AGAP3: variants seen among roughly 807,000 people sequenced by gnomAD.
AGAP3 encodes the protein ArfGAP with GTPase domain, ankyrin repeat and PH domain 3.
Under a neutral mutation model 96.9 loss-of-function variants are expected in AGAP3, and 24 were observed. The ratio of observed to expected loss-of-function variants is 0.25; its 90% CI spans 0.18 to 0.35. The LOEUF (loss-of-function observed/expected upper bound fraction) is 0.35, where lower values mean the gene tolerates loss of function less well. Ranked by LOEUF, AGAP3 falls within the 10% of genes least tolerant of loss-of-function variation. AGAP3 has a pLI of 1.00. For synonymous variants in AGAP3, 563 were observed against 536.1 expected (o/e 1.05, Z -0.69); for missense variants, 876 against 1,254.2 (o/e 0.70, Z 4.55).
intron 1 of AGAP3, among the ~76,000 whole-genome samples, chr7:151,105,657 T>C (rs1799012005): frequency 6.6e-6 from 1 of 150,716 alleles, no homozygotes; most frequent in Non-Finnish European, 1.5e-5. Context: ...TCCCAGCTAC[T>C]TGTGGGGCTG....
At chr7:151,119,812 G>A (rs1230615091) in intron 7 of AGAP3, among the ~76,000 whole-genome samples, 175 bp from the exon 8 acceptor site, 1 of 152,194 alleles carries the variant, frequency 6.6e-6, no homozygotes. Context: ...AGTAGATCCT[G>A]CTGGCCTCCA....
intron 5 of AGAP3, 141 bp downstream of exon 5, chr7:151,117,918 GTGCT>G: frequency 8.2e-7 from 1 of 1,226,140 alleles, no homozygotes; most frequent in Non-Finnish European, 1.1e-6. Flanking sequence ...AGCACTCTCC[GTGCT>G]GCTCGTGTCT....
chr7:151,088,063 C>T (rs1382267153), intron 1 of AGAP3, among the ~76,000 whole-genome samples: 1 of 152,224 alleles, frequency 6.6e-6, no homozygotes, highest in Non-Finnish European at 1.5e-5. Context: ...CAGTGAGAGC[C>T]AAGGCCTTTT....
intron 1 of AGAP3, among the ~76,000 whole-genome samples, chr7:151,100,980 G>GC (rs1798813726): frequency 1.3e-5 from 2 of 152,334 alleles, no homozygotes; most frequent in Admixed American, 1.3e-4. Flanking sequence ...CCCACCTGCA[G>GC]CCCCCCATGG....
intron 1 of AGAP3, among the ~76,000 whole-genome samples, chr7:151,102,292 T>C (rs7783954): frequency 0.36 from 54,677 of 152,158 alleles, 10,873 homozygotes; most frequent in Middle Eastern, 0.45. Flanking sequence ...TTCACCGCAG[T>C]AGTGCTTTTA....
At chr7:151,115,884 T>A (rs750676815) in intron 1 of AGAP3, among the ~76,000 whole-genome samples, 1 of 152,184 alleles carries the variant, frequency 6.6e-6, no homozygotes, top group African/African-American at 2.4e-5. Flanking sequence ...CAGAGGGCTC[T>A]GGGCTAGGCC....
intron 1 of AGAP3, among the ~76,000 whole-genome samples, chr7:151,099,653 G>A (rs1387495961): frequency 2.0e-5 from 3 of 152,196 alleles, no homozygotes; most frequent in Admixed American, 6.5e-5. Context: ...GTGGGCCCGG[G>A]GACTGGCACC....
chr7:151,094,274 T>C (rs1386602680), intron 1 of AGAP3, among the ~76,000 whole-genome samples: 1 of 152,208 alleles, frequency 6.6e-6, no homozygotes, highest in Non-Finnish European at 1.5e-5. Flanking sequence ...GTTTATTACG[T>C]GCCGCCTTGT....
At position 151,096,796 on chromosome 7, in the gene AGAP3, C is replaced by T. The variant is rs745308497; in HGVS notation, c.331+9724C>T. 6.8e-6 allele frequency among the ~76,000 whole-genome samples: 1 copy of T among 146,978 alleles called. No homozygotes were observed. The highest frequency in any genetic ancestry group is 1.5e-5 in the Non-Finnish European group (1 of 66,746). On this transcript the variant is annotated intron_variant, in intron 1 of 17. Coordinates refer to ENST00000397238, the MANE Select transcript of AGAP3 (RefSeq NM_031946.7). The surrounding 1 kb of genome is among the most constrained non-coding windows in gnomAD (Gnocchi z 4.4). ...CTAAATTTTCTTTTCTTTTCTTTAA[C>T]GAGACAGAGTCTTGCTTTGTTTCCC...
intron 1 of AGAP3, among the ~76,000 whole-genome samples, chr7:151,102,535 G>A (rs945471618): frequency 6.6e-6 from 1 of 151,092 alleles, no homozygotes; most frequent in African/African-American, 2.4e-5. Flanking sequence ...CAAGGCAGGA[G>A]GATCACTTGA....
In AGAP3 at chr7:151,143,009, AAG is replaced by A. The variant is rs1800880495; in HGVS notation, c.2274-327_2274-326del. ...CGCTTTGTTCCAGCACTGCCAATCC[AAG>A]AGAGTTCAGACGGCCAGATAAGCTG... On this transcript the variant is annotated intron_variant, in intron 16 of 17. Transcript: ENST00000397238. This position sits in a 1 kb window ranked among gnomAD's most constrained non-coding sequence, Gnocchi z 5.9. Among the ~76,000 whole-genome samples the A allele has an allele frequency of 6.6e-6, 1 of 151,984 alleles. No individual in the cohort carries two copies. The highest frequency in any genetic ancestry group is 1.5e-5 in the Non-Finnish European group (1 of 67,958).
intron 8 of AGAP3, chr7:151,123,071 C>T: frequency 8.0e-7 from 1 of 1,244,264 alleles, no homozygotes; most frequent in Non-Finnish European, 1.0e-6. Flanking sequence ...CGCGACGAGG[C>T]CCAGAGGGGC....
intron 9 of AGAP3, among the ~76,000 whole-genome samples, chr7:151,125,878 T>C (rs927850173): frequency 1.4e-4 from 21 of 152,238 alleles, no homozygotes; most frequent in Non-Finnish European, 1.6e-4. Flanking sequence ...CTCTGGGGGC[T>C]GTCGCCTCCG....
chr7:151,109,456 A>G lies in AGAP3; in HGVS notation c.332-7337A>G, dbSNP rs1403947631. Among the ~76,000 whole-genome samples, 6 of 151,876 alleles carry G rather than the reference A, an allele frequency of 4.0e-5. No homozygotes were observed. In the South Asian group the frequency reaches 1.0e-3, roughly 26 times the overall value. On this transcript the variant is annotated intron_variant, in intron 1 of 17. Coordinates refer to ENST00000397238, the MANE Select transcript of AGAP3 (RefSeq NM_031946.7). ...GGCACTAGGGAGAGATCCGCCCCAC[A>G]CCTCTCTTCCTGGCTTGTCGATGCC...
intron 10 of AGAP3, 60 bp downstream of exon 10, chr7:151,128,744 C>G: frequency 2.1e-6 from 3 of 1,426,730 alleles, no homozygotes; most frequent in Non-Finnish European, 3.0e-6. Flanking sequence ...GGGAGGATAA[C>G]AGAATGCGGG....
chr7:151,126,192 A>AC (rs1308943563), intron 9 of AGAP3, among the ~76,000 whole-genome samples: 1 of 149,628 alleles, frequency 6.7e-6, no homozygotes, highest in Non-Finnish European at 1.5e-5. Flanking sequence ...TGGAGGAGGG[A>AC]CCCCCTCCCC....
chr7:151,107,796 C>T (rs1799118338), intron 1 of AGAP3, among the ~76,000 whole-genome samples: 2 of 152,160 alleles, frequency 1.3e-5, no homozygotes, highest in Non-Finnish European at 2.9e-5. Context: ...CAGAGAGAAC[C>T]ACATTTTTAA....
At chr7:151,127,353 C>G (rs182906049) in intron 9 of AGAP3, among the ~76,000 whole-genome samples, 2 of 152,188 alleles carry the variant, frequency 1.3e-5, no homozygotes, top group East Asian at 3.9e-4. Flanking sequence ...CCTCTCTGGG[C>G]GCCCCCTCCT....
chr7:151,102,335 A>T (rs1798863543), intron 1 of AGAP3, among the ~76,000 whole-genome samples: 1 of 152,132 alleles, frequency 6.6e-6, no homozygotes, highest in Non-Finnish European at 1.5e-5. Context: ...ATGTTTTCAA[A>T]CTACTCAAAC....
Sources: gnomAD v4.1 joint callset for allele counts (sites outside exome capture counted in the v4.1 genomes callset) on GRCh38, gnomAD v4.1.1 for gene constraint, Gnocchi (gnomAD v3.1) non-coding constraint, MANE v1.5 for transcripts, NCBI Gene and HGNC (gene_info 2026-07-23, HGNC 2026-07-21) for gene names.